The following CCSER1 variants were observed in gnomAD, a reference collection of about 807,000 sequenced individuals.
The protein encoded by CCSER1 is serine-rich coiled-coil domain-containing protein 1.
CCSER1 carries 41 observed loss-of-function variants against 82.0 expected under a neutral mutation model. The ratio of observed to expected loss-of-function variants is 0.50; its 90% CI spans 0.39 to 0.65. CCSER1 has a LOEUF of 0.65. Ranked by LOEUF, CCSER1 falls within the 30% of genes least tolerant of loss-of-function variation. The pLI is 0.00. For missense variants in CCSER1, 1,119 were observed against 1,064.2 expected, an observed-to-expected ratio of 1.05 and a Z score of -0.72; for synonymous variants, 414 against 383.9, an observed-to-expected ratio of 1.08 and a Z score of -0.92.
chr4:90,717,367 G>A (rs1273639073), intron 6 of CCSER1, among the ~76,000 whole-genome samples: 1 of 152,092 alleles, frequency 6.6e-6, no homozygotes, highest in East Asian at 1.9e-4. Flanking sequence ...AAAGAAAAAA[G>A]CTTGCATTTT....
At chr4:90,520,053 A>G (rs1772879216) in intron 5 of CCSER1, among the ~76,000 whole-genome samples, 2 of 152,046 alleles carry the variant, frequency 1.3e-5, no homozygotes, top group African/African-American at 2.4e-5. Flanking sequence ...AGCTCCATTT[A>G]CCTAATATGT....
At chr4:90,886,443 G>T (rs1432100850) in intron 8 of CCSER1, among the ~76,000 whole-genome samples, 1 of 152,164 alleles carries the variant, frequency 6.6e-6, no homozygotes, top group East Asian at 1.9e-4. Context: ...CACTGTTTCA[G>T]TGAATTTTAA....
At chr4:91,467,622 C>T (rs1235721949) in intron 10 of CCSER1, among the ~76,000 whole-genome samples, 1 of 152,096 alleles carries the variant, frequency 6.6e-6, no homozygotes, top group East Asian at 1.9e-4. Flanking sequence ...GGCTAATATC[C>T]AGAGTCTACA....
chr4:90,554,472 A>G (rs1254817008), intron 5 of CCSER1, among the ~76,000 whole-genome samples: 3 of 152,262 alleles, frequency 2.0e-5, no homozygotes, highest in Admixed American at 2.0e-4. Context: ...AAAATATTTC[A>G]TGAAATTAAA....
chr4:90,992,844 C>T (rs1461437413), intron 9 of CCSER1, among the ~76,000 whole-genome samples: 8 of 151,872 alleles, frequency 5.3e-5, no homozygotes, highest in African/African-American at 7.3e-5. Flanking sequence ...AGACCACAGA[C>T]GATAGGTGCT....
At chr4:91,382,648 C>A (rs148969478) in intron 10 of CCSER1, among the ~76,000 whole-genome samples, 3 of 152,172 alleles carry the variant, frequency 2.0e-5, no homozygotes, top group Admixed American at 1.3e-4. Flanking sequence ...TGACCCATTG[C>A]GCTTCTTGGG....
At chr4:90,904,590 T>C (rs991121719) in intron 8 of CCSER1, among the ~76,000 whole-genome samples, 2 of 152,294 alleles carry the variant, frequency 1.3e-5, no homozygotes, top group South Asian at 4.1e-4. Context: ...CTGAATGCTC[T>C]GGCATTAGCC....
At chr4:90,363,760 G>A (rs1745799214) in intron 3 of CCSER1, among the ~76,000 whole-genome samples, 1 of 152,008 alleles carries the variant, frequency 6.6e-6, no homozygotes, top group African/African-American at 2.4e-5. Flanking sequence ...TTATTTTTCA[G>A]TAATTGTATC....
chr4:91,530,006 T>G (rs1760945305), intron 10 of CCSER1, among the ~76,000 whole-genome samples: 1 of 152,106 alleles, frequency 6.6e-6, no homozygotes, highest in Non-Finnish European at 1.5e-5. Context: ...CTGAAACTTG[T>G]GCAGATTTTT....
chr4:90,830,397 A>G (rs1760984228), intron 8 of CCSER1, among the ~76,000 whole-genome samples: 1 of 152,158 alleles, frequency 6.6e-6, no homozygotes, highest in Non-Finnish European at 1.5e-5. Flanking sequence ...TATGTTTGCT[A>G]TGGAGAAGCA....
At position 91,412,780 on chromosome 4, in the gene CCSER1, C is replaced by G. The variant is rs964553923; in HGVS notation, c.2218-185792C>G. ...AGTGGTATTTATTCCTTCAAATGCACAGATACCTACACAAGGCTACACAGA... is the reference window on the plus strand; with the variant it reads ...AGTGGTATTTATTCCTTCAAATGCAGAGATACCTACACAAGGCTACACAGA... On this transcript the variant is annotated intron_variant, in intron 10 of 10. Transcript: ENST00000509176. 2.0e-5 allele frequency among the ~76,000 whole-genome samples: 3 copies of G among 152,070 alleles called. No homozygotes were observed. The South Asian group carries it at 6.2e-4, about 32-fold the overall frequency.
chr4:90,938,743 C>A, intron 9 of CCSER1: 1 of 346,824 alleles, frequency 2.9e-6, no homozygotes, highest in Non-Finnish European at 6.0e-6. Flanking sequence ...TAGGTTAAAT[C>A]ATTATCTGAC....
At chr4:90,802,967 G>C (rs1017603372) in intron 7 of CCSER1, among the ~76,000 whole-genome samples, 2 of 147,532 alleles carry the variant, frequency 1.4e-5, no homozygotes, top group Admixed American at 6.8e-5. Context: ...TGTTTTCTTT[G>C]TTTTTTAATC....
intron 3 of CCSER1, among the ~76,000 whole-genome samples, chr4:90,357,213 A>G (rs1205690283): frequency 6.6e-6 from 1 of 151,950 alleles, no homozygotes; most frequent in Non-Finnish European, 1.5e-5. Flanking sequence ...TTAAAAAACC[A>G]TATTATGCAT....
chr4:90,823,373 A>G (rs1760016225), intron 8 of CCSER1, among the ~76,000 whole-genome samples: 1 of 152,132 alleles, frequency 6.6e-6, no homozygotes, highest in African/African-American at 2.4e-5. Flanking sequence ...TGAAACACTC[A>G]ACGATTCCAC....
At chr4:90,496,828 T>A (rs1769077479) in intron 5 of CCSER1, among the ~76,000 whole-genome samples, 1 of 151,610 alleles carries the variant, frequency 6.6e-6, no homozygotes, top group African/African-American at 2.4e-5. Context: ...AATACAAAAA[T>A]TAGCTGGGTG....
chr4:90,737,331 TTGAC>T (rs897079040), intron 7 of CCSER1, among the ~76,000 whole-genome samples: 1 of 152,202 alleles, frequency 6.6e-6, no homozygotes, highest in Non-Finnish European at 1.5e-5. Flanking sequence ...CGTCTTTTGT[TTGAC>T]TGAGAACATC....
intron 5 of CCSER1, among the ~76,000 whole-genome samples, chr4:90,586,922 C>A (rs1455940344): frequency 1.3e-5 from 2 of 152,164 alleles, no homozygotes; most frequent in African/African-American, 4.8e-5. Context: ...AGAGATTTTG[C>A]AGATGCGATT....
intron 7 of CCSER1, among the ~76,000 whole-genome samples, chr4:90,736,191 A>G (rs1198215699): frequency 6.6e-6 from 1 of 152,104 alleles, no homozygotes. Context: ...CCTTTGGATG[A>G]AAAATGTTCT....
Sources: allele counts gnomAD v4.1 joint callset (sites outside exome capture counted in the v4.1 genomes callset), GRCh38; gene constraint gnomAD v4.1.1; transcripts MANE v1.5; gene names NCBI Gene and HGNC (gene_info 2026-07-23, HGNC 2026-07-21).